KIF16B: variants seen among roughly 807,000 people sequenced by gnomAD.
KIF16B encodes kinesin family member 16B, also known as kinesin-like protein KIF16B.
A neutral mutation model predicts 156.3 loss-of-function variants in KIF16B; 98 were observed. That is an observed-to-expected ratio of 0.63 (90% CI 0.53 to 0.74). The LOEUF is 0.74. Ranked by LOEUF, KIF16B falls within the 30% of genes least tolerant of loss-of-function variation. The probability of loss-of-function intolerance (pLI) is 0.00; values close to 1 mark genes in which losing one functional copy is unlikely to be tolerated. For synonymous variants in KIF16B, 564 were observed against 583.7 expected (o/e 0.97, Z 0.49); for missense variants, 1,421 against 1,606.5 (o/e 0.88, Z 1.97).
At chr20:16,482,408 T>C (rs916715793) in intron 12 of KIF16B, among the ~76,000 whole-genome samples, 2 of 152,084 alleles carry the variant, frequency 1.3e-5, no homozygotes, top group African/African-American at 4.8e-5. Flanking sequence ...CTAGTAACTG[T>C]TGCTAGGTAG....
At chr20:16,554,062 C>A (rs1415182655) in intron 1 of KIF16B, among the ~76,000 whole-genome samples, 1 of 152,130 alleles carries the variant, frequency 6.6e-6, no homozygotes, top group African/African-American at 2.4e-5. Flanking sequence ...AGCCTGGGCA[C>A]CATGAACAGC....
intron 12 of KIF16B, among the ~76,000 whole-genome samples, chr20:16,466,759 A>G (rs2067503683): frequency 6.6e-6 from 1 of 152,222 alleles, no homozygotes; most frequent in South Asian, 2.1e-4. Flanking sequence ...AACTTACTGG[A>G]GCAGAAACCC....
At chr20:16,525,836 T>C (rs2069521342) in intron 3 of KIF16B, among the ~76,000 whole-genome samples, 1 of 152,174 alleles carries the variant, frequency 6.6e-6, no homozygotes, top group South Asian at 2.1e-4. Flanking sequence ...CATATCCAAG[T>C]TTTGAAACAA....
chr20:16,376,397 G>C (rs1490267299), intron 19 of KIF16B, among the ~76,000 whole-genome samples: 1 of 152,202 alleles, frequency 6.6e-6, no homozygotes, highest in East Asian at 1.9e-4. Context: ...TCAGGACACT[G>C]TTGTCCAGTC....
intron 25 of KIF16B, among the ~76,000 whole-genome samples, chr20:16,283,505 G>A (rs972251259): frequency 9.9e-5 from 15 of 152,094 alleles, no homozygotes; most frequent in Non-Finnish European, 2.2e-4. Flanking sequence ...AGCGAGCCGT[G>A]GCTGCCAGCT....
chr20:16,432,598 G>A (rs1201148651), intron 12 of KIF16B, among the ~76,000 whole-genome samples: 1 of 152,128 alleles, frequency 6.6e-6, no homozygotes, highest in Non-Finnish European at 1.5e-5. Flanking sequence ...CTCAAACCCT[G>A]TAGACAAGGG....
intron 17 of KIF16B, among the ~76,000 whole-genome samples, chr20:16,388,345 T>C (rs949587959): frequency 6.6e-6 from 1 of 152,206 alleles, no homozygotes; most frequent in Non-Finnish European, 1.5e-5. Context: ...TTTGGGATAG[T>C]AAAACTCAGT....
chr20:16,309,887 A>G (rs1371917154), intron 25 of KIF16B, among the ~76,000 whole-genome samples: 2 of 152,202 alleles, frequency 1.3e-5, no homozygotes, highest in African/African-American at 4.8e-5. Flanking sequence ...GAAAGGAAAT[A>G]TCTCATTTGT....
chr20:16,382,211 T>G, intron 17 of KIF16B: 251 of 779,298 alleles, frequency 3.2e-4, no homozygotes, highest in Non-Finnish European at 4.2e-4. Context: ...TAGGAAGGAA[T>G]ATCAGGAGAA....
At chr20:16,303,605 C>T (rs895410987) in intron 25 of KIF16B, among the ~76,000 whole-genome samples, 14 of 152,176 alleles carry the variant, frequency 9.2e-5, no homozygotes, top group African/African-American at 2.7e-4. Flanking sequence ...CTGTTCAACA[C>T]GGTTTTAACT....
intron 12 of KIF16B, among the ~76,000 whole-genome samples, chr20:16,473,739 G>A (rs567056517): frequency 3.3e-5 from 5 of 152,230 alleles, no homozygotes; most frequent in Admixed American, 3.3e-4. Flanking sequence ...CATCCATTTT[G>A]AATTCATTCT....
At chr20:16,415,321 T>C (rs773909594) in intron 15 of KIF16B, among the ~76,000 whole-genome samples, 45 of 152,180 alleles carry the variant, frequency 3.0e-4, no homozygotes, top group Admixed American at 2.6e-3. Flanking sequence ...ATCATCTCAA[T>C]TATTTATTTC....
At chr20:16,534,335 C>A (rs1009393344) in intron 1 of KIF16B, among the ~76,000 whole-genome samples, 1 of 152,046 alleles carries the variant, frequency 6.6e-6, no homozygotes, top group Non-Finnish European at 1.5e-5. Flanking sequence ...CCATAAAGAG[C>A]AAATCTCTTC....
intron 12 of KIF16B, among the ~76,000 whole-genome samples, chr20:16,482,250 G>C (rs910527299): frequency 6.6e-6 from 1 of 151,896 alleles, no homozygotes; most frequent in East Asian, 1.9e-4. Flanking sequence ...CACCACTTCT[G>C]CTTGGAGCTC....
intron 11 of KIF16B, among the ~76,000 whole-genome samples, chr20:16,495,517 T>A (rs1345774021): frequency 3.3e-5 from 5 of 152,184 alleles, no homozygotes; most frequent in Non-Finnish European, 1.5e-5. Flanking sequence ...GGGTCCTCAA[T>A]TTACCTCAAA....
chr20:16,310,483 G>T (rs1203508915), intron 25 of KIF16B, among the ~76,000 whole-genome samples: 1 of 152,206 alleles, frequency 6.6e-6, no homozygotes, highest in East Asian at 1.9e-4. Context: ...ATCTGTCATG[G>T]CACAGCTGTG....
chr20:16,458,597 T>G (rs190959922), intron 12 of KIF16B, among the ~76,000 whole-genome samples: 1 of 152,244 alleles, frequency 6.6e-6, no homozygotes, highest in East Asian at 1.9e-4. Context: ...CATGCAATTC[T>G]TTGAAACATG....
intron 1 of KIF16B, among the ~76,000 whole-genome samples, chr20:16,561,533 A>G (rs532300905): frequency 1.3e-5 from 2 of 152,338 alleles, no homozygotes; most frequent in African/African-American, 4.8e-5. Context: ...GTGTGTTGCC[A>G]TGAGGGGAAA....
At chr20:16,284,828 G>C (rs2063199911) in intron 25 of KIF16B, among the ~76,000 whole-genome samples, 2 of 152,168 alleles carry the variant, frequency 1.3e-5, no homozygotes, top group Admixed American at 6.5e-5. Context: ...ACCTGGCAGA[G>C]AACACACCAA....
Sources: gnomAD v4.1 joint callset for allele counts (sites outside exome capture counted in the v4.1 genomes callset) on GRCh38, gnomAD v4.1.1 for gene constraint, MANE v1.5 for transcripts, NCBI Gene and HGNC (gene_info 2026-07-23, HGNC 2026-07-21) for gene names.